The following CCSER1 variants were observed in gnomAD, a reference collection of about 807,000 sequenced individuals.
CCSER1 encodes the protein coiled-coil serine rich protein 1, also known as serine-rich coiled-coil domain-containing protein 1.
Under a neutral mutation model 82.0 loss-of-function variants are expected in CCSER1, and 41 were observed. The observed-to-expected ratio is 0.50, with a 90% CI of 0.39 to 0.65. CCSER1 has a LOEUF of 0.65. Among genes scored for constraint, CCSER1 ranks in the 30% least tolerant of loss-of-function variants. CCSER1 has a pLI of 0.00. For missense variants in CCSER1, 1,119 were observed against 1,064.2 expected, an observed-to-expected ratio of 1.05 and a Z score of -0.72; for synonymous variants, 414 against 383.9, an observed-to-expected ratio of 1.08 and a Z score of -0.92.
intron 10 of CCSER1, chr4:91,319,642 T>A: frequency 2.2e-6 from 1 of 455,532 alleles, no homozygotes; most frequent in Middle Eastern, 3.3e-4. Context: ...AATATTAACC[T>A]ACCTAATACA....
chr4:90,190,446 A>G (rs766217292), intron 1 of CCSER1, among the ~76,000 whole-genome samples: 1 of 152,096 alleles, frequency 6.6e-6, no homozygotes, highest in Non-Finnish European at 1.5e-5. Flanking sequence ...GATGCATGTA[A>G]TTGCTTACAA....
chr4:91,446,680 T>TATATAC, intron 10 of CCSER1, among the ~76,000 whole-genome samples: 1 of 146,820 alleles, frequency 6.8e-6, no homozygotes, highest in Non-Finnish European at 1.5e-5. Flanking sequence ...TAAATAAATA[T>TATATAC]ATATATATAT....
At chr4:91,295,122 G>A (rs2149225527) in intron 10 of CCSER1, among the ~76,000 whole-genome samples, 1 of 151,976 alleles carries the variant, frequency 6.6e-6, no homozygotes, top group South Asian at 2.1e-4. Context: ...CAAAAAGCTA[G>A]CAATGTTATC....
At chr4:90,869,036 C>A (rs979252611) in intron 8 of CCSER1, among the ~76,000 whole-genome samples, 1 of 151,874 alleles carries the variant, frequency 6.6e-6, no homozygotes, top group African/African-American at 2.4e-5. Flanking sequence ...ATCCTTTGCC[C>A]ATGTTTAATT....
intron 10 of CCSER1, among the ~76,000 whole-genome samples, chr4:91,198,575 G>T (rs1346034555): frequency 6.6e-6 from 1 of 151,988 alleles, no homozygotes; most frequent in Non-Finnish European, 1.5e-5. Context: ...GTAGTAACGG[G>T]GATAGAATCT....
At chr4:91,378,803 A>G (rs2091550) in intron 10 of CCSER1, among the ~76,000 whole-genome samples, 117,607 of 152,102 alleles carry the variant, frequency 0.77, 46,038 homozygotes, top group African/African-American at 0.9. Context: ...TAGGAGTGGT[A>G]AGAGAGGGCA....
chr4:90,395,016 C>G (rs1162692531), intron 3 of CCSER1, among the ~76,000 whole-genome samples: 2 of 152,186 alleles, frequency 1.3e-5, no homozygotes, highest in Non-Finnish European at 2.9e-5. Context: ...TACAACAGAT[C>G]TTCAGAACTT....
chr4:90,484,684 G>C (rs1766691715), intron 5 of CCSER1, among the ~76,000 whole-genome samples: 1 of 152,194 alleles, frequency 6.6e-6, no homozygotes, highest in South Asian at 2.1e-4. Flanking sequence ...CTGCAGAACA[G>C]TGGATATTGG....
chr4:90,469,294 G>A (rs79968484), intron 5 of CCSER1, among the ~76,000 whole-genome samples: 2,184 of 151,986 alleles, frequency 0.014, 31 homozygotes, highest in African/African-American at 0.043. Context: ...ATATTTGATT[G>A]CATGAAGATA....
chr4:91,370,763 G>C (rs765139874), intron 10 of CCSER1, among the ~76,000 whole-genome samples: 4 of 152,090 alleles, frequency 2.6e-5, no homozygotes, highest in Non-Finnish European at 1.5e-5. Context: ...TGCGGCACAT[G>C]AGATATTTTG....
chr4:91,226,200 G>T (rs1038663414), intron 10 of CCSER1, among the ~76,000 whole-genome samples: 1 of 151,910 alleles, frequency 6.6e-6, no homozygotes, highest in Non-Finnish European at 1.5e-5. Flanking sequence ...GACAATGAAA[G>T]ATATATTAAA....
At chr4:90,213,061 G>A (rs139933466) in intron 1 of CCSER1, among the ~76,000 whole-genome samples, 269 of 152,242 alleles carry the variant, frequency 1.8e-3, no homozygotes, top group African/African-American at 4.8e-3. Flanking sequence ...AAGGTTATGC[G>A]TGCTTTATAA....
chr4:90,198,425 C>G (rs1737010032), intron 1 of CCSER1, among the ~76,000 whole-genome samples: 1 of 152,152 alleles, frequency 6.6e-6, no homozygotes, highest in Admixed American at 6.6e-5. Flanking sequence ...TTTCTTATAT[C>G]ACAATATCAC....
chr4:91,386,204 G>A (rs1006074806), intron 10 of CCSER1, among the ~76,000 whole-genome samples: 3 of 151,530 alleles, frequency 2.0e-5, no homozygotes, highest in Non-Finnish European at 2.9e-5. Flanking sequence ...AGGTAAGCCT[G>A]GAGAAACTTT....
At chr4:90,889,663 G>T (rs1722675530) in intron 8 of CCSER1, among the ~76,000 whole-genome samples, 1 of 152,076 alleles carries the variant, frequency 6.6e-6, no homozygotes. Flanking sequence ...AGGAACTGTG[G>T]TATATACATA....
intron 1 of CCSER1, among the ~76,000 whole-genome samples, chr4:90,304,205 G>A (rs1428294896): frequency 1.3e-5 from 2 of 152,226 alleles, no homozygotes; most frequent in African/African-American, 4.8e-5. Flanking sequence ...TGGTGGAACT[G>A]TAAACTAGTT....
intron 10 of CCSER1, among the ~76,000 whole-genome samples, chr4:91,471,034 C>G (rs1560697723): frequency 6.6e-6 from 1 of 152,158 alleles, no homozygotes; most frequent in Non-Finnish European, 1.5e-5. Context: ...ACTGTTAAAT[C>G]TGTAGATGCA....
intron 10 of CCSER1, among the ~76,000 whole-genome samples, chr4:91,441,255 C>G (rs900555966): frequency 2.6e-5 from 4 of 151,900 alleles, no homozygotes; most frequent in Admixed American, 2.0e-4. Context: ...AGCAGCACAT[C>G]AAAAAGCTTA....
chr4:90,804,626 A>G (rs1041438955), intron 7 of CCSER1, among the ~76,000 whole-genome samples: 7 of 152,206 alleles, frequency 4.6e-5, no homozygotes, highest in African/African-American at 9.7e-5. Flanking sequence ...GCATTTCAGC[A>G]TAATATTATT....
Sources: gnomAD v4.1 joint callset for allele counts (sites outside exome capture counted in the v4.1 genomes callset) on GRCh38, gnomAD v4.1.1 for gene constraint, MANE v1.5 for transcripts, NCBI Gene and HGNC (gene_info 2026-07-23, HGNC 2026-07-21) for gene names.